The following WWOX variants were observed in gnomAD, a reference collection of about 807,000 sequenced individuals.
The protein encoded by WWOX is WW domain-containing oxidoreductase.
WWOX carries 69 observed loss-of-function variants against 46.2 expected under a neutral mutation model. The observed-to-expected ratio is 1.49, with a 90% CI of 1.23 to 1.82. The LOEUF is 1.82. Among genes scored for constraint, WWOX ranks in the 40% most tolerant of loss-of-function variants. The probability of loss-of-function intolerance (pLI) is 0.00; values close to 1 mark genes in which losing one functional copy is unlikely to be tolerated. For missense variants in WWOX, 919 were observed against 542.6 expected, an observed-to-expected ratio of 1.69 and a Z score of -6.89; for synonymous variants, 359 against 202.6, an observed-to-expected ratio of 1.77 and a Z score of -6.56.
chr16:78,858,961 G>T (rs1216226341), intron 8 of WWOX, among the ~76,000 whole-genome samples: 1 of 136,168 alleles, frequency 7.3e-6, no homozygotes, highest in Non-Finnish European at 1.5e-5. Flanking sequence ...TTACAGGTGT[G>T]AGCCACCACG....
intron 8 of WWOX, among the ~76,000 whole-genome samples, chr16:79,069,594 G>C (rs138300929): frequency 6.6e-6 from 1 of 150,714 alleles, no homozygotes; most frequent in East Asian, 1.9e-4. Context: ...AACAGTGCTA[G>C]TGGAAAGTAT....
chr16:78,138,595 CAT>C (rs1382988504), intron 4 of WWOX, among the ~76,000 whole-genome samples: 1 of 152,170 alleles, frequency 6.6e-6, no homozygotes, highest in African/African-American at 2.4e-5. Context: ...GATAAGAATC[CAT>C]ATCTTTTGAA....
intron 8 of WWOX, among the ~76,000 whole-genome samples, chr16:78,791,187 G>C (rs1052838556): frequency 3.3e-5 from 5 of 152,060 alleles, no homozygotes; most frequent in African/African-American, 1.2e-4. Flanking sequence ...TCTGGATGTG[G>C]GCTGTATCTG....
chr16:78,284,809 C>T (rs1014642618), intron 5 of WWOX, among the ~76,000 whole-genome samples: 3 of 152,182 alleles, frequency 2.0e-5, no homozygotes, highest in Admixed American at 2.0e-4. Context: ...AAGCTTGGTC[C>T]TAACAGCTTT....
At chr16:78,761,153 T>G (rs1161728553) in intron 8 of WWOX, among the ~76,000 whole-genome samples, 1 of 152,170 alleles carries the variant, frequency 6.6e-6, no homozygotes, top group Non-Finnish European at 1.5e-5. Context: ...GGGGGCTGTT[T>G]CTTGTTGTGT....
intron 8 of WWOX, among the ~76,000 whole-genome samples, chr16:78,533,048 G>A (rs560325602): frequency 6.6e-5 from 10 of 152,256 alleles, no homozygotes; most frequent in African/African-American, 2.4e-4. Flanking sequence ...TGATGACCTG[G>A]GAGGGTGGGA....
At chr16:78,189,620 C>G (rs1002569179) in intron 5 of WWOX, among the ~76,000 whole-genome samples, 5 of 152,076 alleles carry the variant, frequency 3.3e-5, no homozygotes, top group Non-Finnish European at 5.9e-5. Flanking sequence ...ATAATGGCAC[C>G]TAAACAAATC....
chr16:78,641,473 A>G (rs973952991), intron 8 of WWOX, among the ~76,000 whole-genome samples: 4 of 152,186 alleles, frequency 2.6e-5, no homozygotes, highest in Non-Finnish European at 5.9e-5. Context: ...TCCCCACCCA[A>G]TCCCCTCTCA....
chr16:78,365,102 A>G (rs1343079651), intron 5 of WWOX, among the ~76,000 whole-genome samples: 1 of 152,150 alleles, frequency 6.6e-6, no homozygotes, highest in Non-Finnish European at 1.5e-5. Context: ...TGTGATTTCC[A>G]TTTCTTCACT....
At chr16:78,525,815 C>A (rs945956362) in intron 8 of WWOX, 2 of 144,458 alleles carry the variant, frequency 1.4e-5, no homozygotes, top group South Asian at 2.2e-4. Flanking sequence ...TTGAGACTCA[C>A]TAGAAGTTTC....
intron 6 of WWOX, among the ~76,000 whole-genome samples, chr16:78,413,970 C>T (rs187943576): frequency 1.6e-4 from 24 of 151,952 alleles, no homozygotes; most frequent in Admixed American, 1.5e-3. Context: ...CCTGAAGCAA[C>T]TGAAGAACTA....
At chr16:78,290,574 C>G (rs2079844223) in intron 5 of WWOX, among the ~76,000 whole-genome samples, 1 of 152,104 alleles carries the variant, frequency 6.6e-6, no homozygotes. Context: ...GTCTAAAAAG[C>G]TCCTTAGTGT....
intron 8 of WWOX, among the ~76,000 whole-genome samples, chr16:78,912,028 C>A (rs759135531): frequency 6.6e-6 from 1 of 152,158 alleles, no homozygotes; most frequent in Admixed American, 6.6e-5. Flanking sequence ...GTATATTGGC[C>A]TCCAGGGCAA....
intron 8 of WWOX, chr16:78,525,246 C>G (rs2043436793): frequency 7.0e-6 from 1 of 143,010 alleles, no homozygotes. Flanking sequence ...TGTGCAGTGG[C>G]ATGATCTCGG....
chr16:79,148,753 T>C (rs2050224898), intron 8 of WWOX, among the ~76,000 whole-genome samples: 1 of 151,952 alleles, frequency 6.6e-6, no homozygotes, highest in Admixed American at 6.6e-5. Flanking sequence ...CACTGGAGTG[T>C]GTACCTAAGC....
intron 5 of WWOX, among the ~76,000 whole-genome samples, chr16:78,246,840 G>A (rs1049756704): frequency 2.0e-5 from 3 of 151,978 alleles, no homozygotes; most frequent in African/African-American, 4.8e-5. Flanking sequence ...TTGATCAGCT[G>A]ATGAGGGGTA....
intron 8 of WWOX, among the ~76,000 whole-genome samples, chr16:78,885,178 C>A (rs1346617200): frequency 1.3e-5 from 2 of 151,084 alleles, no homozygotes; most frequent in East Asian, 3.9e-4. Flanking sequence ...CGGGGGACTA[C>A]CAATCACTCT....
Position 78,465,369 on chromosome 16 carries a change from G to T in WWOX, c.1056+32617G>T, listed in dbSNP as rs375164863. Among the ~76,000 whole-genome samples, 6 of 152,188 alleles carry T rather than the reference G, an allele frequency of 3.9e-5. No homozygotes were observed. In the East Asian group the frequency reaches 1.2e-3, roughly 29 times the overall value. On this transcript the variant is annotated intron_variant, in intron 8 of 8. Transcript: ENST00000566780. Reference sequence around the variant, plus strand: ...TTGCTATTTTCTTTTTTTAAGAGATGGGGTCTTGTTGTGTTGCCCAGGCCA... The same window carrying T: ...TTGCTATTTTCTTTTTTTAAGAGATTGGGTCTTGTTGTGTTGCCCAGGCCA...
intron 4 of WWOX, among the ~76,000 whole-genome samples, chr16:78,135,763 GA>G (rs1471075679): frequency 6.6e-6 from 1 of 152,048 alleles, no homozygotes; most frequent in Admixed American, 6.6e-5. Flanking sequence ...TAATAGCAGG[GA>G]AAATGACATG....
Sources: allele counts gnomAD v4.1 joint callset (sites outside exome capture counted in the v4.1 genomes callset), GRCh38; gene constraint gnomAD v4.1.1; transcripts MANE v1.5; gene names NCBI Gene and HGNC (gene_info 2026-07-23, HGNC 2026-07-21).